The following SAMD5 variants were observed in gnomAD, a reference collection of about 807,000 sequenced individuals.
The protein encoded by SAMD5 is sterile alpha motif domain containing 5.
SAMD5 carries 13 observed loss-of-function variants against 11.3 expected under a neutral mutation model. The observed-to-expected ratio is 1.15, with a 90% CI of 0.75 to 1.83. The LOEUF is 1.83. Ranked by LOEUF, SAMD5 falls within the 40% of genes most tolerant of loss-of-function variation. The pLI is 0.00. For missense variants in SAMD5, 255 were observed against 239.1 expected, an observed-to-expected ratio of 1.07 and a Z score of -0.44; for synonymous variants, 129 against 111.3, an observed-to-expected ratio of 1.16 and a Z score of -1.00.
At position 147,566,376 on chromosome 6, in the gene SAMD5, T is replaced by C. The variant is rs1040610645; in HGVS notation, c.*1920T>C. ...GGGGAGTCTGTATAGATTACAGATA[T>C]AATTTATTGTGATAACAAATGGCTT... On this transcript the variant is annotated 3_prime_UTR_variant, in exon 2 of 2. Coordinates refer to ENST00000367474, the MANE Select transcript of SAMD5 (RefSeq NM_001030060.3). 1 of 985,002 alleles carries C rather than the reference T, an allele frequency of 1.0e-6. No individual in the cohort carries two copies. The highest frequency in any genetic ancestry group is 1.7e-5 in the African/African-American group (1 of 57,188). The allele number at this position is 985,002 out of a possible 1,614,324, so 61.0% of individuals were successfully genotyped here. A position where few individuals can be genotyped will look rare whatever the true frequency, so the allele number is the denominator to read the frequency against.
At chr6:147,687,113 A>G (rs1791022942) in intron 1 of SAMD5, among the ~76,000 whole-genome samples, 1 of 152,122 alleles carries the variant, frequency 6.6e-6, no homozygotes, top group Non-Finnish European at 1.5e-5. Context: ...GTATGTATAT[A>G]TGTGCACACA....
intron 1 of SAMD5, among the ~76,000 whole-genome samples, chr6:147,598,453 C>A (rs1347335952): frequency 2.0e-5 from 3 of 152,152 alleles, no homozygotes; most frequent in Admixed American, 1.3e-4. Flanking sequence ...AAGCATGGTT[C>A]TCTTTCCCCT....
chr6:147,927,918 C>A, the SAMD5 span, among the ~76,000 whole-genome samples: 59 of 152,152 alleles, frequency 3.9e-4, 3 homozygotes, highest in South Asian at 0.012. Flanking sequence ...TATCTATTGA[C>A]ATAATTGTGT....
chr6:147,845,262 G>T, the SAMD5 span, among the ~76,000 whole-genome samples: 1 of 151,968 alleles, frequency 6.6e-6, no homozygotes, highest in Non-Finnish European at 1.5e-5. Flanking sequence ...ATTCAAAATG[G>T]ATGACAGACT....
the SAMD5 span, among the ~76,000 whole-genome samples, chr6:147,838,407 C>G: frequency 1.3e-5 from 2 of 152,060 alleles, no homozygotes; most frequent in African/African-American, 2.4e-5. Context: ...TCTGCACAAC[C>G]TTTGTCACCT....
At chr6:147,792,118 A>G in the SAMD5 span, among the ~76,000 whole-genome samples, 4 of 152,182 alleles carry the variant, frequency 2.6e-5, no homozygotes, top group Non-Finnish European at 4.4e-5. Flanking sequence ...GCAGAATGAG[A>G]AAGGAATTTA....
At chr6:147,825,828 A>AC in the SAMD5 span, among the ~76,000 whole-genome samples, 1 of 152,236 alleles carries the variant, frequency 6.6e-6, no homozygotes, top group Non-Finnish European at 1.5e-5. Flanking sequence ...AAGTAGTGTT[A>AC]CAACTCCAAA....
At chr6:147,910,625 C>T in the SAMD5 span, among the ~76,000 whole-genome samples, 2 of 152,072 alleles carry the variant, frequency 1.3e-5, no homozygotes, top group African/African-American at 4.8e-5. Context: ...CATATGTGTC[C>T]AGGCTGCGAA....
chr6:147,801,617 G>T, the SAMD5 span, among the ~76,000 whole-genome samples: 1 of 152,160 alleles, frequency 6.6e-6, no homozygotes, highest in African/African-American at 2.4e-5. Context: ...TCAGACATTA[G>T]GCAACAGGTA....
intron 1 of SAMD5, among the ~76,000 whole-genome samples, chr6:147,633,693 CTTTT>C (rs201030758): frequency 7.3e-4 from 102 of 139,422 alleles, no homozygotes; most frequent in African/African-American, 2.4e-3. Flanking sequence ...TCAGATAATG[CTTTT>C]TTTTTTTTTT....
In SAMD5 at chr6:147,697,221, G is replaced by A. The variant is rs925270300; in HGVS notation, c.163-40096G>A. ...ATTGCCAAGGAAGAAGGGTTTAATC[G>A]GGCGCTGCAGCCAAGGAGATGGGAG... On this transcript the variant is annotated intron_variant, in intron 1 of 1. Coordinates refer to the SAMD5 transcript ENST00000566741. Among the ~76,000 whole-genome samples, 98 of 152,182 alleles carry A rather than the reference G, an allele frequency of 6.4e-4. 3 individuals are homozygous for A. Among genetic ancestry groups the A allele is most frequent in the African/African-American group, 2.7e-4 (11 of 41,448 alleles).
the SAMD5 span, among the ~76,000 whole-genome samples, chr6:147,935,121 C>A: frequency 6.6e-6 from 1 of 152,120 alleles, no homozygotes. Context: ...GTGTGACTGG[C>A]CTGTGCAAAG....
At chr6:147,819,808 T>C in the SAMD5 span, among the ~76,000 whole-genome samples, 5 of 152,246 alleles carry the variant, frequency 3.3e-5, no homozygotes, top group Non-Finnish European at 7.4e-5. Flanking sequence ...TAAAAATTGC[T>C]AGAGTTAAGA....
chr6:147,909,933 G>A, the SAMD5 span, among the ~76,000 whole-genome samples: 3 of 151,972 alleles, frequency 2.0e-5, no homozygotes, highest in African/African-American at 4.8e-5. Flanking sequence ...GTGTGGACCC[G>A]GAGCATGATG....
intron 1 of SAMD5, among the ~76,000 whole-genome samples, chr6:147,534,221 T>C (rs1172499354): frequency 3.3e-5 from 5 of 152,208 alleles, no homozygotes; most frequent in Non-Finnish European, 5.9e-5. Flanking sequence ...CTTTCCAGCC[T>C]GAGTTTTCTG....
At chr6:147,596,037 G>A (rs1214134975) in intron 1 of SAMD5, among the ~76,000 whole-genome samples, 1 of 152,148 alleles carries the variant, frequency 6.6e-6, no homozygotes, top group East Asian at 1.9e-4. Context: ...TGGAATACAT[G>A]CTGATTACAT....
chr6:147,579,468 T>C (rs1019217790), intron 1 of SAMD5, among the ~76,000 whole-genome samples: 1 of 140,196 alleles, frequency 7.1e-6, no homozygotes, highest in African/African-American at 2.7e-5. Context: ...TTTTTTTTTT[T>C]TTTTTTTTTT....
the SAMD5 span, among the ~76,000 whole-genome samples, chr6:147,883,165 G>A: frequency 6.6e-6 from 1 of 152,208 alleles, no homozygotes; most frequent in Non-Finnish European, 1.5e-5. Context: ...GGTTTTCCGT[G>A]ATTGAATGTA....
In SAMD5 at chr6:147,567,867, G is replaced by T; in HGVS notation, c.*3411G>T. The T allele has an allele frequency of 1.0e-6, 1 of 985,296 alleles. No homozygotes were observed. Among genetic ancestry groups the T allele is most frequent in the Non-Finnish European group, 1.2e-6 (1 of 829,912 alleles). The allele number at this position is 985,296 out of a possible 1,614,324, so 61.0% of individuals were successfully genotyped here. On this transcript the variant is annotated 3_prime_UTR_variant, in exon 2 of 2. Coordinates refer to ENST00000367474, the MANE Select transcript of SAMD5 (RefSeq NM_001030060.3). ...TTTATTGATTGAATGAAAAGAATTT[G>T]ATTTAAGGAAACAATAACACTCCAT...
Sources: allele counts gnomAD v4.1 joint callset (sites outside exome capture counted in the v4.1 genomes callset), GRCh38; gene constraint gnomAD v4.1.1; transcripts MANE v1.5; gene names NCBI Gene and HGNC (gene_info 2026-07-23, HGNC 2026-07-21).